KIF24: variants seen among roughly 807,000 people sequenced by gnomAD.
KIF24 encodes kinesin-like protein KIF24.
In KIF24, 81 loss-of-function variants were observed where a neutral mutation model predicts 118.9. The observed-to-expected ratio is 0.68, with a 90% CI of 0.57 to 0.82. KIF24 has a LOEUF of 0.82. KIF24 is among the 40% of genes least tolerant of loss of function. The pLI, the probability that KIF24 is intolerant of heterozygous loss-of-function variation, is 0.00. For missense variants in KIF24, 1,560 were observed against 1,661.6 expected (o/e 0.94, Z 1.06); for synonymous variants, 599 against 610.0 (o/e 0.98, Z 0.27).
intron 1 of KIF24, among the ~76,000 whole-genome samples, chr9:34,317,410 T>C (rs1837365396): frequency 6.6e-6 from 1 of 152,052 alleles, no homozygotes; most frequent in African/African-American, 2.4e-5. Context: ...AAGTGCTTAT[T>C]TACTGGTTGT....
intron 6 of KIF24, among the ~76,000 whole-genome samples, chr9:34,276,131 G>A (rs1353041308): frequency 6.6e-6 from 1 of 152,000 alleles, no homozygotes; most frequent in Non-Finnish European, 1.5e-5. Flanking sequence ...GGCTGGGCAC[G>A]GTGGCTCACG....
At chr9:34,272,682 G>T (rs1835549370) in intron 6 of KIF24, among the ~76,000 whole-genome samples, 1 of 152,182 alleles carries the variant, frequency 6.6e-6, no homozygotes, top group South Asian at 2.1e-4. Flanking sequence ...GAGTGCAGTG[G>T]TATGATCATA....
chr9:34,313,839 C>CT (rs1837251785), intron 1 of KIF24, among the ~76,000 whole-genome samples: 1 of 148,248 alleles, frequency 6.7e-6, no homozygotes, highest in Non-Finnish European at 1.5e-5. Flanking sequence ...CCTCAACCTG[C>CT]TGGGCTCAAG....
At chr9:34,290,474 G>A (rs1217960378) in intron 4 of KIF24, 85 bp from the exon 5 acceptor site, 1 of 798,546 alleles carries the variant, frequency 1.3e-6, no homozygotes, top group Admixed American at 2.7e-5. Flanking sequence ...AAGGTCAAAT[G>A]TAAACATAGA....
intron 3 of KIF24, among the ~76,000 whole-genome samples, chr9:34,303,860 C>A (rs1836816011): frequency 6.6e-6 from 1 of 152,066 alleles, no homozygotes; most frequent in South Asian, 2.1e-4. Context: ...AACAGACAGA[C>A]AAAAACCATT....
intron 3 of KIF24, 119 bp downstream of exon 3, chr9:34,306,133 C>T (rs1050352820): frequency 5.8e-6 from 4 of 692,148 alleles, no homozygotes; most frequent in Non-Finnish European, 1.0e-5. Context: ...AACACCCGAA[C>T]CAGAAACTTG....
At chr9:34,279,103 C>CA (rs926877968) in intron 6 of KIF24, among the ~76,000 whole-genome samples, 6 of 151,862 alleles carry the variant, frequency 4.0e-5, no homozygotes, top group African/African-American at 1.5e-4. Flanking sequence ...GACTCTACCT[C>CA]AAAAAAACAA....
At chr9:34,288,315 C>T (rs62556604) in intron 5 of KIF24, among the ~76,000 whole-genome samples, 24,175 of 151,642 alleles carry the variant, frequency 0.16, 2,370 homozygotes, top group South Asian at 0.25. Context: ...CATAGGGAGA[C>T]CCTGTGTCTA....
At chr9:34,328,296 T>C (rs1837744384) in intron 1 of KIF24, among the ~76,000 whole-genome samples, 1 of 152,196 alleles carries the variant, frequency 6.6e-6, no homozygotes, top group African/African-American at 2.4e-5. Context: ...ACACTTAAAA[T>C]GTGACAATAG....
chr9:34,264,123 T>G (rs368567836), intron 8 of KIF24, among the ~76,000 whole-genome samples: 9 of 151,490 alleles, frequency 5.9e-5, no homozygotes, highest in African/African-American at 2.2e-4. Flanking sequence ...TAAAAGATAG[T>G]AAAAGAAAAG....
chr9:34,301,383 G>A (rs1467511402), intron 3 of KIF24, among the ~76,000 whole-genome samples: 6 of 152,038 alleles, frequency 3.9e-5, no homozygotes, highest in Non-Finnish European at 7.4e-5. Flanking sequence ...GAGTAGCTGG[G>A]ATTACAGGCA....
intron 1 of KIF24, among the ~76,000 whole-genome samples, chr9:34,311,961 A>G (rs183676364): frequency 2.2e-4 from 33 of 152,246 alleles, no homozygotes; most frequent in African/African-American, 7.5e-4. Context: ...TAGATGCTCA[A>G]CTTAATGTCA....
chr9:34,319,076 A>C (rs551662655), intron 1 of KIF24: 5 of 1,319,252 alleles, frequency 3.8e-6, no homozygotes, highest in Non-Finnish European at 4.4e-6. Flanking sequence ...CCGTGGCTTC[A>C]TGGTGACTCG....
At chr9:34,284,920 G>C (rs59738843) in intron 6 of KIF24, among the ~76,000 whole-genome samples, 3,728 of 152,128 alleles carry the variant, frequency 0.025, 119 homozygotes, top group East Asian at 0.16. Flanking sequence ...GGAAAAAAAG[G>C]CTCCAAACAA....
At chr9:34,279,378 T>C (rs907149022) in intron 6 of KIF24, among the ~76,000 whole-genome samples, 9 of 152,194 alleles carry the variant, frequency 5.9e-5, no homozygotes, top group African/African-American at 1.9e-4. Flanking sequence ...TTTATCAAAA[T>C]TCCTAGGAAT....
intron 10 of KIF24, among the ~76,000 whole-genome samples, chr9:34,259,247 G>A (rs1035824247): frequency 1.3e-5 from 2 of 152,210 alleles, no homozygotes; most frequent in Non-Finnish European, 2.9e-5. Flanking sequence ...AATTTGGGCT[G>A]AGGCCAGCAG....
chr9:34,254,916 A>G (rs1834761244), intron 12 of KIF24, among the ~76,000 whole-genome samples, 156 bp downstream of exon 12: 1 of 152,180 alleles, frequency 6.6e-6, no homozygotes, highest in Admixed American at 6.5e-5. Flanking sequence ...AAGATGTCTC[A>G]AAGGCGTGGC....
chr9:34,297,017 C>A lies in KIF24; in HGVS notation c.911G>T (p.Gly304Val). ...THPLIQHIFN[G>V]GNATCFAYGQ... ...AAAAAGCAAATAATCATTATCGTAC[C>A]CATTGAAAATATGCTGAATAAGTGG... is the stretch of plus-strand genomic sequence containing the variant. The change falls in exon 4 of 13, where the codon GGA (glycine) becomes GTA (valine). Residue 304 changes from glycine (G) to valine (V), a missense_variant and splice_region_variant. Gly to Val is a moderately radical substitution (Grantham distance 109). Around this residue, in one of 3 missense-constraint regions of KIF24, gnomAD observed 964 missense variants for 988.0 expected, o/e 0.98. Coordinates refer to ENST00000402558, the MANE Select transcript of KIF24 (RefSeq NM_194313.4). The A allele has an allele frequency of 6.7e-7, 1 of 1,490,764 alleles. No homozygotes were observed. Among genetic ancestry groups the A allele is most frequent in the South Asian group, 1.2e-5 (1 of 83,762 alleles). The allele number at this position is 1,490,764 out of a possible 1,614,324, so 92.3% of individuals were successfully genotyped here. A position where few individuals can be genotyped will look rare whatever the true frequency, so the allele number is the denominator to read the frequency against.
At chr9:34,277,193 A>G (rs1835687739) in intron 6 of KIF24, among the ~76,000 whole-genome samples, 1 of 152,176 alleles carries the variant, frequency 6.6e-6, no homozygotes, top group East Asian at 1.9e-4. Context: ...TTCCTTTTAG[A>G]GTTTTAGATT....
Sources: allele counts gnomAD v4.1 joint callset (sites outside exome capture counted in the v4.1 genomes callset), GRCh38; gene constraint gnomAD v4.1.1; regional missense constraint gnomAD v4.1.1; transcripts MANE v1.5; gene names NCBI Gene and HGNC (gene_info 2026-07-23, HGNC 2026-07-21).